PCBP3: variants seen among roughly 807,000 people sequenced by gnomAD.
PCBP3 encodes the protein poly(rC) binding protein 3, also known as poly(rC)-binding protein 3.
In PCBP3, 25 loss-of-function variants were observed where a neutral mutation model predicts 52.7. That is an observed-to-expected ratio of 0.47 (90% CI 0.35 to 0.66). The LOEUF (loss-of-function observed/expected upper bound fraction) is 0.66. PCBP3 is among the 30% of genes least tolerant of loss of function. The probability of loss-of-function intolerance (pLI) is 0.01; values close to 1 mark genes in which losing one functional copy is unlikely to be tolerated. For missense variants in PCBP3, 391 were observed against 490.3 expected (o/e 0.80, Z 1.91); for synonymous variants, 162 against 183.0 (o/e 0.89, Z 0.93).
chr21:45,890,134 G>A (rs993559581), intron 5 of PCBP3, among the ~76,000 whole-genome samples: 2 of 152,276 alleles, frequency 1.3e-5, no homozygotes, highest in African/African-American at 2.4e-5. Context: ...CTACTCTGCT[G>A]CGGGAGAGAA....
chr21:45,702,257 A>G (rs561040305), intron 2 of PCBP3, among the ~76,000 whole-genome samples: 196 of 152,346 alleles, frequency 1.3e-3, no homozygotes, highest in African/African-American at 4.6e-3. Context: ...TTTACTATGC[A>G]TGATTTTCAT....
chr21:45,703,935 C>A (rs998850679), intron 2 of PCBP3, among the ~76,000 whole-genome samples: 1 of 152,032 alleles, frequency 6.6e-6, no homozygotes, highest in African/African-American at 2.4e-5. Context: ...TGGTGGATAG[C>A]AATGGAATGT....
At chr21:45,851,128 A>T (rs2093980476) in intron 5 of PCBP3, among the ~76,000 whole-genome samples, 1 of 152,250 alleles carries the variant, frequency 6.6e-6, no homozygotes, top group Non-Finnish European at 1.5e-5. Context: ...CATAAGGCAG[A>T]AATCAGTGAA....
rs775173824 is a variant in PCBP3 at position 45,902,618 on chromosome 21, G to A, written c.339+1505G>A. 2.9e-4 allele frequency among the ~76,000 whole-genome samples: 44 copies of A among 152,202 alleles called. 1 individual carries two copies. The highest frequency in any genetic ancestry group is 5.4e-4 in the Non-Finnish European group (37 of 68,028). On this transcript the variant is annotated intron_variant, in intron 9 of 17. Coordinates refer to ENST00000681687, the MANE Select transcript of PCBP3 (RefSeq NM_001384156.1). The stretch of plus-strand genomic sequence containing the variant: ...CAGAAACAAGAACAACCCAGTCCCC[G>A]GATGGTGGTGAGACCAAGAGCGCCG...
In PCBP3 at chr21:45,880,124, T is replaced by C. The variant is rs2095365384; in HGVS notation, c.11-16084T>C. ...TTTCGTGGCATTTTTCTCTGCATCC[T>C]TTTTATTGACAAGACGTTCCTGTCG... On this transcript the variant is annotated intron_variant, in intron 5 of 17. Transcript: ENST00000681687. The surrounding 1 kb of genome is among the most constrained non-coding windows in gnomAD (Gnocchi z 5.4). 6.6e-6 allele frequency among the ~76,000 whole-genome samples: 1 copy of C among 152,250 alleles called. No homozygotes were observed. The highest frequency in any genetic ancestry group is 1.5e-5 in the Non-Finnish European group (1 of 68,042).
intron 5 of PCBP3, chr21:45,893,689 G>T (rs1277871895): frequency 4.2e-6 from 4 of 947,190 alleles, no homozygotes; most frequent in Middle Eastern, 5.4e-4. Context: ...CATTGCATGG[G>T]CTAAAATGTG....
At chr21:45,869,430 C>T (rs1165300467) in intron 5 of PCBP3, 1 of 152,394 alleles carries the variant, frequency 6.6e-6, no homozygotes, top group Non-Finnish European at 1.5e-5. Context: ...CCCTTCTCTT[C>T]CTTCCTTCTC....
rs936222309 is a variant in PCBP3, at chr21:45,703,019, C to T, written c.-199-32373C>T. Among the ~76,000 whole-genome samples, 7 of 152,106 alleles carry T rather than the reference C, an allele frequency of 4.6e-5. No individual in the cohort carries two copies. The South Asian group carries it at 8.3e-4, about 18-fold the overall frequency. On this transcript the variant is annotated intron_variant, in intron 2 of 17. Transcript: ENST00000681687. ...TGCTTCTCATCCATAAGAAGCAACTCCTTATCCATTCAAGTTTGATCATGA... is the reference window on the plus strand; with the variant it reads ...TGCTTCTCATCCATAAGAAGCAACTTCTTATCCATTCAAGTTTGATCATGA...
At chr21:45,938,912 C>T (rs545315370) in intron 16 of PCBP3, among the ~76,000 whole-genome samples, 9 of 152,340 alleles carry the variant, frequency 5.9e-5, no homozygotes, top group Non-Finnish European at 2.9e-5. Flanking sequence ...TGCTGCTCAC[C>T]CCACAGACTG....
At chr21:45,684,012 G>T (rs1016203463) in intron 2 of PCBP3, among the ~76,000 whole-genome samples, 2 of 145,848 alleles carry the variant, frequency 1.4e-5, no homozygotes, top group Admixed American at 7.1e-5. Context: ...CATGACAGGA[G>T]GATTGCTTGA....
chr21:45,714,295 C>T (rs945435084), intron 2 of PCBP3, among the ~76,000 whole-genome samples: 26 of 152,206 alleles, frequency 1.7e-4, no homozygotes, highest in African/African-American at 6.3e-4. Flanking sequence ...GCATTTGAGA[C>T]TGAATATGTC....
chr21:45,900,900 C>G, intron 8 of PCBP3, 97 bp from the exon 9 acceptor site: 1 of 816,154 alleles, frequency 1.2e-6, no homozygotes, highest in South Asian at 1.4e-5. Flanking sequence ...CGGACAGAGG[C>G]ATGTGTTTGT....
At chr21:45,768,868 C>T (rs1190311285) in intron 4 of PCBP3, among the ~76,000 whole-genome samples, 3 of 152,208 alleles carry the variant, frequency 2.0e-5, no homozygotes, top group Admixed American at 6.5e-5. Flanking sequence ...ATCGTCCCCT[C>T]GTCTCCACGA....
intron 4 of PCBP3, chr21:45,762,399 T>C (rs1426946646): frequency 2.6e-5 from 4 of 152,334 alleles, no homozygotes; most frequent in East Asian, 1.9e-4. Context: ...CTGTCCCTTC[T>C]GCCACACTAT....
At chr21:45,758,115 G>A (rs1170776841) in intron 4 of PCBP3, among the ~76,000 whole-genome samples, 1 of 152,108 alleles carries the variant, frequency 6.6e-6, no homozygotes, top group African/African-American at 2.4e-5. Flanking sequence ...TCTCGAACTC[G>A]TGAGCTCAGG....
chr21:45,869,401 TG>T (rs1310524505), intron 5 of PCBP3: 1 of 150,008 alleles, frequency 6.7e-6, no homozygotes, highest in Non-Finnish European at 1.5e-5. Flanking sequence ...TCGGGCACCC[TG>T]GGGTCATCTT....
chr21:45,887,248 C>G (rs1307287644), intron 5 of PCBP3, among the ~76,000 whole-genome samples: 2 of 152,230 alleles, frequency 1.3e-5, no homozygotes, highest in African/African-American at 4.8e-5. Flanking sequence ...ATACAATATC[C>G]AGGCTGTTTT....
chr21:45,762,296 A>G (rs1029400472), intron 4 of PCBP3: 1 of 152,076 alleles, frequency 6.6e-6, no homozygotes. Context: ...TGGGATTGCC[A>G]TTCACTTTTC....
intron 1 of PCBP3, among the ~76,000 whole-genome samples, chr21:45,660,121 G>A (rs2080287721): frequency 6.6e-6 from 1 of 151,254 alleles, no homozygotes. Flanking sequence ...GCATTCTGGG[G>A]CTTTATTTTA....
Sources: gnomAD v4.1 joint callset for allele counts (sites outside exome capture counted in the v4.1 genomes callset) on GRCh38, gnomAD v4.1.1 for gene constraint, Gnocchi (gnomAD v3.1) non-coding constraint, MANE v1.5 for transcripts, NCBI Gene and HGNC (gene_info 2026-07-23, HGNC 2026-07-21) for gene names.